SLC6A3: variants seen among roughly 807,000 people sequenced by gnomAD.
SLC6A3 encodes solute carrier family 6 member 3, also known as sodium-dependent dopamine transporter.
A neutral mutation model predicts 70.4 loss-of-function variants in SLC6A3; 19 were observed. The observed-to-expected ratio is 0.27, with a 90% CI of 0.19 to 0.40. The LOEUF (loss-of-function observed/expected upper bound fraction) is 0.40. Among genes scored for constraint, SLC6A3 ranks in the 10% least tolerant of loss-of-function variants. The probability of loss-of-function intolerance (pLI) is 1.00; values close to 1 mark genes in which losing one functional copy is unlikely to be tolerated. For missense variants in SLC6A3, 613 were observed against 838.5 expected (o/e 0.73, Z 3.32); for synonymous variants, 368 against 356.6 (o/e 1.03, Z -0.36).
Position 1,437,467 on chromosome 5 carries a change from G to T in SLC6A3, c.418+3892C>A, listed in dbSNP as rs138967468. ...GGAGAGAGACAGAAAGAGACACAGG[G>T]AGAGGGAAAGAGAGCGAGGGGAAGG... On this transcript the variant is annotated intron_variant, in intron 3 of 14. Coordinates refer to ENST00000270349, the MANE Select transcript of SLC6A3 (RefSeq NM_001044.5). The surrounding 1 kb of genome is among the most constrained non-coding windows in gnomAD (Gnocchi z 4.8). Among the ~76,000 whole-genome samples the T allele has an allele frequency of 7.9e-5, 12 of 152,138 alleles. No homozygotes were observed. Among genetic ancestry groups the T allele is most frequent in the Admixed American group, 3.9e-4 (6 of 15,276 alleles).
At chr5:1,398,083 G>A (rs1358238174) in intron 14 of SLC6A3, among the ~76,000 whole-genome samples, 10 of 152,152 alleles carry the variant, frequency 6.6e-5, no homozygotes, top group African/African-American at 1.4e-4. Context: ...GAATAAGTCC[G>A]GGCACAGTGG....
At chr5:1,400,564 G>A (rs572628126) in intron 14 of SLC6A3, among the ~76,000 whole-genome samples, 6 of 152,228 alleles carry the variant, frequency 3.9e-5, no homozygotes, top group East Asian at 1.9e-4. Context: ...TTGTGCCCCC[G>A]TGAGGCGGGG....
At chr5:1,395,502 A>G (rs1410301737) in intron 14 of SLC6A3, among the ~76,000 whole-genome samples, 1 of 152,136 alleles carries the variant, frequency 6.6e-6, no homozygotes, top group Non-Finnish European at 1.5e-5. Flanking sequence ...GCCACACCAC[A>G]GGCTCCTCTG....
At chr5:1,439,320 G>A (rs1384370058) in intron 3 of SLC6A3, among the ~76,000 whole-genome samples, 1 of 138,520 alleles carries the variant, frequency 7.2e-6, no homozygotes, top group African/African-American at 2.6e-5. Flanking sequence ...GATGTGTGTG[G>A]GGTGGGGGTG....
chr5:1,403,191 C>T, intron 12 of SLC6A3, 102 bp from the exon 13 acceptor site: 1 of 1,357,418 alleles, frequency 7.4e-7, no homozygotes, highest in Non-Finnish European at 1.0e-6. Context: ...TCTCAGCCCC[C>T]ACAGCTGTGC....
chr5:1,399,464 G>A (rs769873068), intron 14 of SLC6A3, among the ~76,000 whole-genome samples: 52 of 152,286 alleles, frequency 3.4e-4, no homozygotes, highest in Non-Finnish European at 5.3e-4. Flanking sequence ...AGGAAGAAAT[G>A]ATAAATACAG....
rs1755744137 is a variant in SLC6A3 at position 1,397,334 on chromosome 5, G to A, written c.1840-2576C>T. ...CAGTCCCAGCTACTCGGGAGGCTGA[G>A]GCAGGAGAATGGCGCGAACCCGGGA... On this transcript the variant is annotated intron_variant, in intron 14 of 14. Transcript: ENST00000270349. This position sits in a 1 kb window ranked among gnomAD's most constrained non-coding sequence, Gnocchi z 4.7. Among the ~76,000 whole-genome samples the A allele has an allele frequency of 6.6e-6, 1 of 152,232 alleles. No individual in the cohort carries two copies. Among genetic ancestry groups the A allele is most frequent in the African/African-American group, 2.4e-5 (1 of 41,462 alleles).
chr5:1,420,966 G>A (rs953837891), intron 5 of SLC6A3, among the ~76,000 whole-genome samples: 11 of 152,300 alleles, frequency 7.2e-5, no homozygotes, highest in East Asian at 1.9e-4. Context: ...CATTCGGTCC[G>A]CCAGAGTAGC....
At position 1,397,865 on chromosome 5, in the gene SLC6A3, C is replaced by T. The variant is rs1370266904; in HGVS notation, c.1839+3050G>A. ...ATTAGTCCAAGGAACATGATGAGTC[C>T]GTACAAAATAATAACAGGAACAAGA... is the stretch of plus-strand genomic sequence containing the variant. On this transcript the variant is annotated intron_variant, in intron 14 of 14. Transcript: ENST00000270349. This position sits in a 1 kb window ranked among gnomAD's most constrained non-coding sequence, Gnocchi z 4.7. 3.3e-5 allele frequency among the ~76,000 whole-genome samples: 5 copies of T among 151,934 alleles called. No homozygotes were observed. The East Asian group carries it at 5.8e-4, about 18-fold the overall frequency.
rs1733717269 is a variant in SLC6A3 at position 1,442,999 on chromosome 5, T to A, written c.199A>T (p.Ile67Phe). 6.2e-7 allele frequency: 1 copy of A among 1,614,038 alleles called. No individual in the cohort carries two copies. The highest frequency in any genetic ancestry group is 1.3e-5 in the African/African-American group (1 of 74,914). The change falls in exon 2 of 15, where the codon ATC (isoleucine) becomes TTC (phenylalanine). Residue 67 changes from isoleucine (I) to phenylalanine (F), a missense_variant. By Grantham distance (21) the Ile-to-Phe change is conservative. This residue lies in a region of SLC6A3 where 111 missense variants were observed against 91.6 expected (regional missense o/e 1.21). Coordinates refer to ENST00000270349, the MANE Select transcript of SLC6A3 (RefSeq NM_001044.5). This position sits in a 1 kb window ranked among gnomAD's most constrained non-coding sequence, Gnocchi z 5.0. ...CCAATGACGGACAGGAGAAAGTCGA[T>A]CTTCTTGCCCCAGGTCTCCCGATCC... ...AQDRETWGKK[I>F]DFLLSVIGFA...
In SLC6A3 at chr5:1,406,387, T is replaced by C. The variant is rs1755980051; in HGVS notation, c.1499-99A>G. The C allele has an allele frequency of 1.9e-6, 2 of 1,047,848 alleles. No homozygotes were observed. Among genetic ancestry groups the C allele is most frequent in the Admixed American group, 1.7e-5 (1 of 58,184 alleles). The allele number at this position is 1,047,848 out of a possible 1,614,324, so 64.9% of individuals were successfully genotyped here. A position where few individuals can be genotyped will look rare whatever the true frequency, so the allele number is the denominator to read the frequency against. On this transcript the variant is annotated intron_variant, in intron 11 of 14. Transcript: ENST00000270349. The surrounding 1 kb of genome is among the most constrained non-coding windows in gnomAD (Gnocchi z 8.8). ...CTCGCTGACTCCCAAGGGCCCCACC[T>C]ACCGGCCCCAGGCTTCGGCTGCACC...
intron 12 of SLC6A3, among the ~76,000 whole-genome samples, chr5:1,403,851 G>A (rs1755908489): frequency 6.6e-6 from 1 of 152,200 alleles, no homozygotes; most frequent in African/African-American, 2.4e-5. Context: ...TCCTGAGGCA[G>A]CTCATGCATT....
At chr5:1,414,905 G>T in intron 7 of SLC6A3, 90 bp from the exon 8 acceptor site, 2 of 1,558,024 alleles carry the variant, frequency 1.3e-6, no homozygotes, top group Non-Finnish European at 1.8e-6. Flanking sequence ...CTGTGTCTGG[G>T]GAAGGGGGCG....
chr5:1,442,267 G>A lies in SLC6A3; in HGVS notation c.286+645C>T, dbSNP rs1733693324. ...TGGGCATAAAAATGCCAGCCTCCTC[G>A]CAGGCATCCTGTGAGGCTTCCCCCC... On this transcript the variant is annotated intron_variant, in intron 2 of 14. Transcript: ENST00000270349. This position sits in a 1 kb window ranked among gnomAD's most constrained non-coding sequence, Gnocchi z 5.0. Among the ~76,000 whole-genome samples the A allele has an allele frequency of 6.6e-6, 1 of 152,208 alleles. No individual in the cohort carries two copies. The highest frequency in any genetic ancestry group is 2.4e-5 in the African/African-American group (1 of 41,538).
In SLC6A3 at chr5:1,408,326, G is replaced by A. The variant is rs1387249224; in HGVS notation, c.1498+700C>T. ...CAAAGTGCTGGGATTACAGGCGTGA[G>A]TCACCGCGCCCGGACCACACATTCA... On this transcript the variant is annotated intron_variant, in intron 11 of 14. Coordinates refer to ENST00000270349, the MANE Select transcript of SLC6A3 (RefSeq NM_001044.5). The surrounding 1 kb of genome is among the most constrained non-coding windows in gnomAD (Gnocchi z 6.4). Among the ~76,000 whole-genome samples, 1 of 151,826 alleles carries A rather than the reference G, an allele frequency of 6.6e-6. No individual in the cohort carries two copies. The highest frequency in any genetic ancestry group is 1.5e-5 in the Non-Finnish European group (1 of 67,982).
chr5:1,406,250 C>T lies in SLC6A3; in HGVS notation c.1537G>A (p.Gly513Arg), dbSNP rs777812094. 1.3e-5 allele frequency: 21 copies of T among 1,612,876 alleles called. No individual in the cohort carries two copies. The highest frequency in any genetic ancestry group is 3.3e-5 in the South Asian group (3 of 91,088). Residue 513 changes from glycine to arginine, a missense_variant, in exon 12 of 15, where the codon GGG (glycine) becomes AGG (arginine). Physicochemically the swap from Gly to Arg is moderately radical, Grantham distance 125 (BLOSUM62 -2). Coordinates refer to ENST00000270349, the MANE Select transcript of SLC6A3 (RefSeq NM_001044.5). This position sits in a 1 kb window ranked among gnomAD's most constrained non-coding sequence, Gnocchi z 8.8. ...QFSDDIQQMT[G>R]QRPSLYWRLC... ...CGCCAGTACAGGCTGGGCCGCTGCCCGGTCATCTGCTGGATGTCGTCGCTG... is the reference window on the plus strand; with the variant it reads ...CGCCAGTACAGGCTGGGCCGCTGCCTGGTCATCTGCTGGATGTCGTCGCTG...
intron 6 of SLC6A3, among the ~76,000 whole-genome samples, chr5:1,416,745 C>T (rs1756304302): frequency 6.6e-6 from 1 of 151,272 alleles, no homozygotes; most frequent in Non-Finnish European, 1.5e-5. Context: ...GACTCATCCA[C>T]ACACAACATG....
Position 1,443,251 on chromosome 5 carries a change from A to T in SLC6A3, c.-45-9T>A. The T allele has an allele frequency of 6.3e-7, 1 of 1,589,930 alleles. No individual in the cohort carries two copies. Among genetic ancestry groups the T allele is most frequent in the Non-Finnish European group, 8.6e-7 (1 of 1,159,868 alleles). ...GCTTCTTCCCTCTTGGTCTTCAGCC[A>T]ATATGAAAAATAAACACACAACAGG... On this transcript the variant is annotated splice_polypyrimidine_tract_variant and intron_variant, in intron 1 of 14. Coordinates refer to ENST00000270349, the MANE Select transcript of SLC6A3 (RefSeq NM_001044.5).
chr5:1,408,427 C>A lies in SLC6A3; in HGVS notation c.1498+599G>T, dbSNP rs1475803838. Among the ~76,000 whole-genome samples the A allele has an allele frequency of 1.3e-5, 2 of 152,062 alleles. No homozygotes were observed. Among genetic ancestry groups the A allele is most frequent in the African/African-American group, 4.8e-5 (2 of 41,406 alleles). On this transcript the variant is annotated intron_variant, in intron 11 of 14. Transcript: ENST00000270349. The surrounding 1 kb of genome is among the most constrained non-coding windows in gnomAD (Gnocchi z 6.4). Reference sequence around the variant, plus strand: ...CAGGTAAGCGGAGCTGGCACTCCTGCCCATTTTACAGAAGAGAGAACTAAG... The same window carrying A: ...CAGGTAAGCGGAGCTGGCACTCCTGACCATTTTACAGAAGAGAGAACTAAG...
Sources: allele counts gnomAD v4.1 joint callset (sites outside exome capture counted in the v4.1 genomes callset), GRCh38; gene constraint gnomAD v4.1.1; regional missense constraint gnomAD v4.1.1; non-coding constraint Gnocchi (gnomAD v3.1); transcripts MANE v1.5; gene names NCBI Gene and HGNC (gene_info 2026-07-23, HGNC 2026-07-21).